DNAH11: variants seen among roughly 807,000 people sequenced by gnomAD.
DNAH11 encodes axonemal beta dynein heavy chain 11.
A neutral mutation model predicts 526.0 loss-of-function variants in DNAH11; 442 were observed. That is an observed-to-expected ratio of 0.84 (90% CI 0.78 to 0.91). DNAH11 has a LOEUF of 0.91. DNAH11 is among the 40% of genes least tolerant of loss of function. The probability of loss-of-function intolerance (pLI) is 0.00; values close to 1 mark genes in which losing one functional copy is unlikely to be tolerated. For missense variants in DNAH11, 6,989 were observed against 5,448.7 expected (o/e 1.28, Z -8.90); for synonymous variants, 2,461 against 1,935.9 (o/e 1.27, Z -7.12).
chr7:21,826,919 A>C (rs1790324704), intron 65 of DNAH11, among the ~76,000 whole-genome samples: 1 of 152,240 alleles, frequency 6.6e-6, no homozygotes, highest in Non-Finnish European at 1.5e-5. Flanking sequence ...TATTCCTAAT[A>C]ATGAATGTCT....
intron 28 of DNAH11, among the ~76,000 whole-genome samples, chr7:21,639,377 T>A (rs1018159088): frequency 6.6e-6 from 1 of 152,172 alleles, no homozygotes; most frequent in Non-Finnish European, 1.5e-5. Flanking sequence ...GGGACATCCA[T>A]TGCCTGGTTA....
chr7:21,642,256 C>T (rs1189690239), intron 28 of DNAH11, among the ~76,000 whole-genome samples: 7 of 126,054 alleles, frequency 5.6e-5, no homozygotes, highest in Non-Finnish European at 9.2e-5. Context: ...AAAGGTCTAT[C>T]ATTAGAAGTG....
rs189000268 is a variant in DNAH11 at position 21,559,637 on chromosome 7, A to G, written c.727A>G (p.Ile243Val). 175 of 1,611,466 alleles carry G rather than the reference A, an allele frequency of 1.1e-4. No individual in the cohort carries two copies. In the East Asian group the frequency reaches 2.6e-3, roughly 24 times the overall value. The change falls in exon 4 of 82, where the codon ATT becomes GTT. Residue 243 changes from isoleucine to valine, a missense_variant. Ile to Val is a conservative substitution (Grantham distance 29). Transcript: ENST00000409508. ...PSNERIILHA[I>V]ESVVIEWSHQ... ...AAACGAAAGGATAATACTTCATGCAATTGAATCTGTGGTTATTGAATGGTC... is the reference window on the plus strand; with the variant it reads ...AAACGAAAGGATAATACTTCATGCAGTTGAATCTGTGGTTATTGAATGGTC...
rs1184006268 is a variant in DNAH11, at chr7:21,901,562, C to T, written c.*308C>T. ...CCCTCCTGGGCAACAGAACAAGACT[C>T]CATCTCAAAAAAAAAAAAGTACATC... is the stretch of plus-strand genomic sequence containing the variant. On this transcript the variant is annotated 3_prime_UTR_variant, in exon 82 of 82. Transcript: ENST00000409508. 9.7e-6 allele frequency: 2 copies of T among 206,928 alleles called. No homozygotes were observed. Among genetic ancestry groups the T allele is most frequent in the Non-Finnish European group, 1.9e-5 (2 of 104,850 alleles). 12.8% of individuals were successfully genotyped at this position (206,928 alleles called of 1,614,324 possible).
intron 70 of DNAH11, 123 bp from the exon 71 acceptor site, chr7:21,866,347 G>A: frequency 5.5e-6 from 4 of 733,776 alleles, no homozygotes; most frequent in Admixed American, 3.6e-5. Context: ...GAAATCTGAA[G>A]AGGAGAGTGA....
rs549960437 is a variant in DNAH11, at chr7:21,687,466, C to T, written c.5863C>T (p.Leu1955=). The T allele has an allele frequency of 1.2e-6, 2 of 1,613,864 alleles. No homozygotes were observed. Among genetic ancestry groups the T allele is most frequent in the Admixed American group, 1.7e-5 (1 of 59,952 alleles). ...DEFNRISVEV[L]SVVAVQVKMI... ...GTTCAACCGAATCTCTGTGGAAGTT[C>T]TGTCAGTGGTGGCAGTACAAGTGAA... Residue 1955 remains leucine (L), a synonymous_variant, in exon 34 of 82, where the codon CTG becomes TTG. Transcript: ENST00000409508.
chr7:21,787,539 G>A lies in DNAH11; in HGVS notation c.9880G>A (p.Ala3294Thr). 1 of 1,613,268 alleles carries A rather than the reference G, an allele frequency of 6.2e-7. No individual in the cohort carries two copies. The highest frequency in any genetic ancestry group is 1.7e-4 in the Middle Eastern group (1 of 6,056). The change falls in exon 60 of 82, where the codon GCT becomes ACT. Residue 3294 changes from alanine (A) to threonine (T), a missense_variant. Ala to Thr is a moderately conservative substitution (Grantham distance 58). Coordinates refer to ENST00000409508, the MANE Select transcript of DNAH11 (RefSeq NM_001277115.2). ...GATTCGAACCAAATCTTTTGCAGCA[G>A]CTGGCCTGTGTGCCTGGGTCATCAA... ...NLIRTKSFAA[A>T]GLCAWVINII...
intron 2 of DNAH11, among the ~76,000 whole-genome samples, chr7:21,554,170 AT>A (rs746086141): frequency 0.34 from 37,140 of 110,338 alleles, 5,199 homozygotes; most frequent in South Asian, 0.41. Context: ...GTTCTCTGGG[AT>A]TTTTTTTTTT....
rs1396172752 is a variant in DNAH11 at position 21,710,630 on chromosome 7, A to G, written c.6761A>G (p.Lys2254Arg). 1 of 1,613,334 alleles carries G rather than the reference A, an allele frequency of 6.2e-7. No individual in the cohort carries two copies. Among genetic ancestry groups the G allele is most frequent in the Non-Finnish European group, 8.5e-7 (1 of 1,179,634 alleles). The change falls in exon 41 of 82, where the codon AAA (lysine) becomes AGA (arginine). Residue 2254 changes from lysine to arginine, a missense_variant. Coordinates refer to ENST00000409508, the MANE Select transcript of DNAH11 (RefSeq NM_001277115.2). ...GCAAATCTTAAGCATGATGGACCAAAATGGATAGTCCTGGATGGCGATATT... is the reference window on the plus strand; with the variant it reads ...GCAAATCTTAAGCATGATGGACCAAGATGGATAGTCCTGGATGGCGATATT... ...EQANLKHDGP[K>R]WIVLDGDIDP... is the part of the protein sequence containing the mutation.
chr7:21,625,203 CAG>C (rs1298953952), intron 25 of DNAH11, among the ~76,000 whole-genome samples: 1 of 151,964 alleles, frequency 6.6e-6, no homozygotes, highest in Non-Finnish European at 1.5e-5. Context: ...AGTATTCAAT[CAG>C]TGTCTTTACT....
intron 4 of DNAH11, among the ~76,000 whole-genome samples, chr7:21,560,643 C>A: frequency 6.6e-6 from 1 of 151,296 alleles, no homozygotes; most frequent in East Asian, 2.2e-4. Flanking sequence ...GCTTTTCCAT[C>A]TTCTCCTGCC....
chr7:21,681,623 T>G lies in DNAH11; in HGVS notation c.5406T>G (p.Ile1802Met). The G allele has an allele frequency of 1.9e-6, 3 of 1,613,916 alleles. No homozygotes were observed. Among genetic ancestry groups the G allele is most frequent in the East Asian group, 2.2e-5 (1 of 44,874 alleles). ...PPGDRQKIMTICTIDVHARDV... is the reference protein window; with the variant it reads ...PPGDRQKIMTMCTIDVHARDV... ...GAGACAGACAGAAGATCATGACAATTTGTACCATAGATGTCCATGCCAGAG... is the reference window on the plus strand; with the variant it reads ...GAGACAGACAGAAGATCATGACAATGTGTACCATAGATGTCCATGCCAGAG... Residue 1802 changes from isoleucine to methionine, a missense_variant, in exon 31 of 82, where the codon ATT becomes ATG. Coordinates refer to ENST00000409508, the MANE Select transcript of DNAH11 (RefSeq NM_001277115.2).
chr7:21,828,824 G>A (rs1163658810), intron 65 of DNAH11, among the ~76,000 whole-genome samples: 1 of 144,470 alleles, frequency 6.9e-6, no homozygotes, highest in Non-Finnish European at 1.5e-5. Context: ...TGTTGTTGTT[G>A]TTGTTGTTGT....
chr7:21,750,427 A>G (rs938428669), intron 54 of DNAH11, 63 bp downstream of exon 54: 2 of 1,528,820 alleles, frequency 1.3e-6, no homozygotes, highest in East Asian at 2.4e-5. Context: ...CTCTGGTTCT[A>G]TTCTGAGTTT....
chr7:21,765,163 T>C (rs1787119214), intron 54 of DNAH11, among the ~76,000 whole-genome samples: 1 of 152,168 alleles, frequency 6.6e-6, no homozygotes, highest in Admixed American at 6.6e-5. Flanking sequence ...CCCCTATTAA[T>C]GATAACCAAA....
At chr7:21,659,141 C>G (rs1471955142) in intron 30 of DNAH11, 110 bp downstream of exon 30, 1 of 927,146 alleles carries the variant, frequency 1.1e-6, no homozygotes, top group Non-Finnish European at 1.6e-6. Context: ...GTGCAAAATA[C>G]TATGCTGGGA....
At chr7:21,854,576 G>GTCTCAC in intron 68 of DNAH11, 121 bp downstream of exon 68, 1 of 1,121,200 alleles carries the variant, frequency 8.9e-7, no homozygotes, top group Non-Finnish European at 1.2e-6. Flanking sequence ...TTGAGACAGA[G>GTCTCAC]TCTCACTCTG....
At chr7:21,742,240 A>C (rs1307283167) in intron 49 of DNAH11, 74 bp downstream of exon 49, 2 of 1,499,714 alleles carry the variant, frequency 1.3e-6, no homozygotes. Flanking sequence ...CCCATTTTTT[A>C]TGTCACTATA....
At chr7:21,617,896 C>A (rs1276156014) in intron 23 of DNAH11, 119 bp downstream of exon 23, 2 of 1,119,050 alleles carry the variant, frequency 1.8e-6, no homozygotes, top group African/African-American at 3.1e-5. Flanking sequence ...ATAGCCTCTA[C>A]TTGCTGTGTT....
Sources: gnomAD v4.1 joint callset for allele counts (sites outside exome capture counted in the v4.1 genomes callset) on GRCh38, gnomAD v4.1.1 for gene constraint, MANE v1.5 for transcripts, NCBI Gene and HGNC (gene_info 2026-07-23, HGNC 2026-07-21) for gene names.